The following USP6NL variants were observed in gnomAD, a reference collection of about 807,000 sequenced individuals.
The protein encoded by USP6NL is USP6 N-terminal-like protein.
A neutral mutation model predicts 61.9 loss-of-function variants in USP6NL; 26 were observed. The ratio of observed to expected loss-of-function variants is 0.42; its 90% CI spans 0.31 to 0.58. The LOEUF (loss-of-function observed/expected upper bound fraction) is 0.58, where lower values mean the gene tolerates loss of function less well. Ranked by LOEUF, USP6NL falls within the 20% of genes least tolerant of loss-of-function variation. USP6NL has a pLI of 0.16. For synonymous variants in USP6NL, 432 were observed against 390.1 expected, an observed-to-expected ratio of 1.11 and a Z score of -1.27; for missense variants, 1,114 against 1,034.3, an observed-to-expected ratio of 1.08 and a Z score of -1.06.
At chr10:11,503,219 A>G (rs1834286498) in intron 6 of USP6NL, among the ~76,000 whole-genome samples, 1 of 152,236 alleles carries the variant, frequency 6.6e-6, no homozygotes, top group East Asian at 1.9e-4. Flanking sequence ...GGAACGTGTA[A>G]TATGACTGAC....
At chr10:11,582,280 T>G (rs1228943881) in intron 2 of USP6NL, among the ~76,000 whole-genome samples, 1 of 152,228 alleles carries the variant, frequency 6.6e-6, no homozygotes, top group Non-Finnish European at 1.5e-5. Context: ...TTTTTATTTT[T>G]AGTAGAGACA....
At position 11,463,442 on chromosome 10, in the gene USP6NL, T is replaced by C. The variant is rs1357935262; in HGVS notation, c.1486A>G (p.Thr496Ala). 6.2e-7 allele frequency: 1 copy of C among 1,614,064 alleles called. No homozygotes were observed. Among genetic ancestry groups the C allele is most frequent in the Non-Finnish European group, 8.5e-7 (1 of 1,179,898 alleles). ...KWNKPSDVSATERTAKYTMEG... is the reference protein window; with the variant it reads ...KWNKPSDVSAAERTAKYTMEG... ...ATGGTGTATTTGGCAGTTCTCTCTG[T>C]AGCTGAGACGTCTGACGGTTTATTC... Residue 496 changes from threonine to alanine, a missense_variant, in exon 15 of 15, where the codon ACA (threonine) becomes GCA (alanine). Coordinates refer to ENST00000609104, the MANE Select transcript of USP6NL (RefSeq NM_014688.5). This position sits in a 1 kb window ranked among gnomAD's most constrained non-coding sequence, Gnocchi z 6.3.
chr10:11,573,124 T>A (rs1837420978), intron 2 of USP6NL, among the ~76,000 whole-genome samples: 1 of 152,200 alleles, frequency 6.6e-6, no homozygotes, highest in Non-Finnish European at 1.5e-5. Flanking sequence ...CTACTATTCA[T>A]TGGCTAAATT....
At chr10:11,514,465 T>C (rs1834867308) in intron 5 of USP6NL, among the ~76,000 whole-genome samples, 1 of 152,224 alleles carries the variant, frequency 6.6e-6, no homozygotes, top group Non-Finnish European at 1.5e-5. Flanking sequence ...AAAGAATTAT[T>C]TGATTCCATG....
At position 11,468,231 on chromosome 10, in the gene USP6NL, A is replaced by T. The variant is rs1832562553; in HGVS notation, c.1079-4382T>A. On this transcript the variant is annotated intron_variant, in intron 14 of 14. Transcript: ENST00000609104. This position sits in a 1 kb window ranked among gnomAD's most constrained non-coding sequence, Gnocchi z 4.5. ...AACTTTAATCCTCTGTAAAAAGTGG[A>T]ACTACATTTTTCTTATCGCTGCCCT... 6.6e-6 allele frequency among the ~76,000 whole-genome samples: 1 copy of T among 152,118 alleles called. No homozygotes were observed. The highest frequency in any genetic ancestry group is 2.4e-5 in the African/African-American group (1 of 41,424).
chr10:11,588,722 T>G (rs942854400), intron 2 of USP6NL, among the ~76,000 whole-genome samples: 1 of 152,142 alleles, frequency 6.6e-6, no homozygotes, highest in African/African-American at 2.4e-5. Context: ...AGAATAAAAT[T>G]TCTAGTGTCT....
intron 2 of USP6NL, among the ~76,000 whole-genome samples, chr10:11,570,448 A>G (rs1405937725): frequency 6.6e-6 from 1 of 152,216 alleles, no homozygotes; most frequent in Admixed American, 6.5e-5. Flanking sequence ...TATGTCTTAA[A>G]AACAAGAGAG....
intron 8 of USP6NL, 102 bp downstream of exon 8, chr10:11,493,017 G>C: frequency 1.1e-6 from 1 of 948,554 alleles, no homozygotes; most frequent in South Asian, 1.7e-5. Context: ...AAACCTTTAG[G>C]ACCTAAATCG....
intron 14 of USP6NL, among the ~76,000 whole-genome samples, chr10:11,466,336 G>A (rs980778989): frequency 6.6e-5 from 10 of 152,104 alleles, no homozygotes; most frequent in African/African-American, 2.2e-4. Context: ...GCTATCTGGC[G>A]GTCACACTGT....
intron 14 of USP6NL, among the ~76,000 whole-genome samples, chr10:11,473,031 ATAAAAG>A (rs939449644): frequency 6.6e-6 from 1 of 152,228 alleles, no homozygotes; most frequent in Non-Finnish European, 1.5e-5. Context: ...ATATGAATAA[ATAAAAG>A]TGAAAACCCA....
At chr10:11,492,320 A>G (rs2133268574) in intron 8 of USP6NL, among the ~76,000 whole-genome samples, 1 of 152,374 alleles carries the variant, frequency 6.6e-6, no homozygotes, top group African/African-American at 2.4e-5. Context: ...CCAGATATAC[A>G]AAACACTGAT....
chr10:11,552,200 G>A (rs912534337), intron 2 of USP6NL, among the ~76,000 whole-genome samples: 2 of 152,144 alleles, frequency 1.3e-5, no homozygotes, highest in Non-Finnish European at 2.9e-5. Context: ...GTTATATTCA[G>A]CAATGTGAGA....
chr10:11,593,140 C>G (rs551937906), intron 2 of USP6NL, among the ~76,000 whole-genome samples: 1 of 152,220 alleles, frequency 6.6e-6, no homozygotes, highest in Admixed American at 6.5e-5. Context: ...AAGAGAAAAA[C>G]TCTTAGGAAA....
At chr10:11,573,823 T>C (rs1253368127) in intron 2 of USP6NL, 1 of 394,136 alleles carries the variant, frequency 2.5e-6, no homozygotes, top group East Asian at 3.6e-5. Flanking sequence ...TAGCTATCCA[T>C]GAAGGCTCTG....
Position 11,470,071 on chromosome 10 carries a change from G to A in USP6NL, c.1079-6222C>T, listed in dbSNP as rs1832666820. ...CTCAGGCCCCCGGGGCAGCGCTGTG[G>A]AGGTAGTAACGCTGTGCCTCTCATG... On this transcript the variant is annotated intron_variant, in intron 14 of 14. Transcript: ENST00000609104. This position sits in a 1 kb window ranked among gnomAD's most constrained non-coding sequence, Gnocchi z 5.4. Among the ~76,000 whole-genome samples, 1 of 152,220 alleles carries A rather than the reference G, an allele frequency of 6.6e-6. No homozygotes were observed. Among genetic ancestry groups the A allele is most frequent in the Non-Finnish European group, 1.5e-5 (1 of 68,044 alleles).
intron 2 of USP6NL, chr10:11,564,900 A>C (rs1208257595): frequency 6.6e-6 from 1 of 152,178 alleles, no homozygotes; most frequent in Non-Finnish European, 1.5e-5. Flanking sequence ...CTTGCACAAC[A>C]TATATTTGGG....
intron 14 of USP6NL, among the ~76,000 whole-genome samples, chr10:11,464,487 C>T (rs1832361010): frequency 6.6e-6 from 1 of 152,144 alleles, no homozygotes; most frequent in Admixed American, 6.5e-5. Context: ...ACTAACCTGC[C>T]CAAAGGCTCA....
chr10:11,538,494 C>T (rs1835926632), intron 2 of USP6NL, among the ~76,000 whole-genome samples: 1 of 152,132 alleles, frequency 6.6e-6, no homozygotes, highest in Non-Finnish European at 1.5e-5. Flanking sequence ...GTGCCTAACC[C>T]ATGGTAGATG....
At chr10:11,593,030 T>C (rs17136777) in intron 2 of USP6NL, among the ~76,000 whole-genome samples, 31,242 of 152,154 alleles carry the variant, frequency 0.21, 3,821 homozygotes, top group East Asian at 0.51. Context: ...AAACATTTCA[T>C]ATCGAAAAAT....
Sources: gnomAD v4.1 joint callset for allele counts (sites outside exome capture counted in the v4.1 genomes callset) on GRCh38, gnomAD v4.1.1 for gene constraint, Gnocchi (gnomAD v3.1) non-coding constraint, MANE v1.5 for transcripts, NCBI Gene and HGNC (gene_info 2026-07-23, HGNC 2026-07-21) for gene names.